The following PTPN12 variants were observed in gnomAD, a reference collection of about 807,000 sequenced individuals.
The protein encoded by PTPN12 is tyrosine-protein phosphatase non-receptor type 12.
A neutral mutation model predicts 97.6 loss-of-function variants in PTPN12; 29 were observed. That is an observed-to-expected ratio of 0.30 (90% CI 0.22 to 0.41). PTPN12 has a LOEUF of 0.41. PTPN12 is among the 10% of genes least tolerant of loss of function. PTPN12 has a pLI of 1.00. For synonymous variants in PTPN12, 327 were observed against 300.4 expected, an observed-to-expected ratio of 1.09 and a Z score of -0.91; for missense variants, 819 against 926.0, an observed-to-expected ratio of 0.88 and a Z score of 1.50.
chr7:77,593,303 A>G (rs559838641), intron 6 of PTPN12, among the ~76,000 whole-genome samples: 43 of 152,106 alleles, frequency 2.8e-4, no homozygotes, highest in Non-Finnish European at 5.3e-4. Flanking sequence ...ATTTGCCTAT[A>G]TTAGGGTTCT....
At chr7:77,623,604 G>C (rs1159109851) in intron 12 of PTPN12, among the ~76,000 whole-genome samples, 1 of 152,220 alleles carries the variant, frequency 6.6e-6, no homozygotes, top group Non-Finnish European at 1.5e-5. Flanking sequence ...CCAGCTACTT[G>C]TGAGGCTGAG....
chr7:77,635,294 T>G (rs1789549178), intron 14 of PTPN12, among the ~76,000 whole-genome samples: 1 of 152,090 alleles, frequency 6.6e-6, no homozygotes, highest in African/African-American at 2.4e-5. Context: ...CCAGGCGAGG[T>G]GGCATGCACC....
rs573167020 is a variant in PTPN12, at chr7:77,573,442, C to A, written c.208+2256C>A. 1.6e-3 allele frequency among the ~76,000 whole-genome samples: 247 copies of A among 152,266 alleles called. 1 individual carries two copies. Among genetic ancestry groups the A allele is most frequent in the South Asian group, 0.015 (71 of 4,826 alleles). On this transcript the variant is annotated intron_variant, in intron 2 of 17. Transcript: ENST00000248594. ...AAGGGGCAAACAAGCTCTCTCGGGCCTCTTTAGTAAAAGCTGGTAATCCCA... is the reference window on the plus strand; with the variant it reads ...AAGGGGCAAACAAGCTCTCTCGGGCATCTTTAGTAAAAGCTGGTAATCCCA...
intron 1 of PTPN12, chr7:77,538,094 C>CG: frequency 5.0e-6 from 5 of 990,802 alleles, no homozygotes; most frequent in Non-Finnish European, 4.8e-6. Context: ...GACAGAGGAA[C>CG]GGGGGTATTG....
At chr7:77,546,750 T>C (rs1807237141) in intron 1 of PTPN12, among the ~76,000 whole-genome samples, 1 of 151,998 alleles carries the variant, frequency 6.6e-6, no homozygotes, top group African/African-American at 2.4e-5. Flanking sequence ...TCAGCATGGC[T>C]GGGGAGGCCT....
intron 8 of PTPN12, among the ~76,000 whole-genome samples, chr7:77,603,110 A>G (rs1199254022): frequency 1.3e-5 from 2 of 152,120 alleles, no homozygotes; most frequent in Non-Finnish European, 2.9e-5. Flanking sequence ...CATTAAAACT[A>G]TTTTTTTCTG....
At chr7:77,634,738 G>A (rs569672709) in intron 14 of PTPN12, among the ~76,000 whole-genome samples, 1 of 152,118 alleles carries the variant, frequency 6.6e-6, no homozygotes, top group South Asian at 2.1e-4. Flanking sequence ...ACCACGCCCG[G>A]CTAATTTTTT....
At chr7:77,556,067 GTTTGTTTGT>G (rs1807698285) in intron 1 of PTPN12, among the ~76,000 whole-genome samples, 1 of 151,664 alleles carries the variant, frequency 6.6e-6, no homozygotes, top group Non-Finnish European at 1.5e-5. Flanking sequence ...TTGTTTGTTT[GTTTGTTTGT>G]GTGAAACAGG....
At chr7:77,545,636 A>G (rs1012613384) in intron 1 of PTPN12, 1 of 151,534 alleles carries the variant, frequency 6.6e-6, no homozygotes, top group Non-Finnish European at 1.5e-5. Flanking sequence ...AATAATTAAA[A>G]AAAAATACTT....
At chr7:77,576,644 C>G (rs924978792) in intron 2 of PTPN12, among the ~76,000 whole-genome samples, 1 of 152,102 alleles carries the variant, frequency 6.6e-6, no homozygotes, top group Non-Finnish European at 1.5e-5. Flanking sequence ...TTGCAGTGAG[C>G]CAAGATGGTG....
chr7:77,547,960 T>A (rs1434277633), intron 1 of PTPN12, among the ~76,000 whole-genome samples: 1 of 152,232 alleles, frequency 6.6e-6, no homozygotes, highest in Non-Finnish European at 1.5e-5. Context: ...ATTATGAAAT[T>A]GGCCTGTGTT....
chr7:77,542,261 AAAATAG>A (rs1562700534), intron 1 of PTPN12, among the ~76,000 whole-genome samples: 1 of 152,184 alleles, frequency 6.6e-6, no homozygotes, highest in Non-Finnish European at 1.5e-5. Flanking sequence ...AGGTGTTAAG[AAAATAG>A]ACATGCTGGT....
At chr7:77,602,164 G>T (rs1015746302) in intron 8 of PTPN12, among the ~76,000 whole-genome samples, 2 of 149,910 alleles carry the variant, frequency 1.3e-5, no homozygotes, top group African/African-American at 4.9e-5. Context: ...TATTCTTGGG[G>T]GGCAGTTAAT....
intron 2 of PTPN12, among the ~76,000 whole-genome samples, chr7:77,579,852 A>G (rs1328856307): frequency 2.0e-5 from 3 of 152,320 alleles, no homozygotes; most frequent in South Asian, 4.1e-4. Flanking sequence ...AAAACATACA[A>G]TCCTTTGCAT....
chr7:77,566,818 G>T (rs1208329894), intron 1 of PTPN12, among the ~76,000 whole-genome samples: 1 of 152,086 alleles, frequency 6.6e-6, no homozygotes, highest in African/African-American at 2.4e-5. Flanking sequence ...ACGATAAAGG[G>T]TGTGGTGGGT....
intron 2 of PTPN12, among the ~76,000 whole-genome samples, chr7:77,572,759 T>C (rs1272322187): frequency 1.3e-5 from 2 of 152,160 alleles, no homozygotes; most frequent in African/African-American, 4.8e-5. Flanking sequence ...TTTAGGATTA[T>C]TTGCACAATA....
chr7:77,623,138 A>C (rs185366769), intron 12 of PTPN12, among the ~76,000 whole-genome samples: 2 of 152,302 alleles, frequency 1.3e-5, no homozygotes, highest in Admixed American at 1.3e-4. Flanking sequence ...TAAAAAATAT[A>C]GTTTTTTAAG....
intron 1 of PTPN12, among the ~76,000 whole-genome samples, chr7:77,550,864 A>G (rs1002010005): frequency 4.6e-5 from 7 of 152,120 alleles, no homozygotes; most frequent in Admixed American, 1.3e-4. Context: ...CATCCCCAGA[A>G]ACTGTTGCCA....
intron 11 of PTPN12, among the ~76,000 whole-genome samples, chr7:77,618,262 C>G (rs895931118): frequency 2.6e-5 from 4 of 152,046 alleles, no homozygotes; most frequent in Non-Finnish European, 5.9e-5. Flanking sequence ...CTTGATCTTT[C>G]CAGTAACTGT....
Sources: gnomAD v4.1 joint callset for allele counts (sites outside exome capture counted in the v4.1 genomes callset) on GRCh38, gnomAD v4.1.1 for gene constraint, MANE v1.5 for transcripts, NCBI Gene and HGNC (gene_info 2026-07-23, HGNC 2026-07-21) for gene names.